The following MDGA2 variants were observed in gnomAD, a reference collection of about 807,000 sequenced individuals.
MDGA2 encodes MAM domain-containing glycosylphosphatidylinositol anchor protein 2.
In MDGA2, 40 loss-of-function variants were observed where a neutral mutation model predicts 117.8. That is an observed-to-expected ratio of 0.34 (90% confidence interval 0.26 to 0.44). MDGA2 has a LOEUF of 0.44. MDGA2 is among the 20% of genes least tolerant of loss of function. MDGA2 has a pLI of 1.00. For missense variants in MDGA2, 1,123 were observed against 1,250.6 expected (o/e 0.90, Z 1.54); for synonymous variants, 452 against 439.0 (o/e 1.03, Z -0.37).
chr14:47,632,211 A>C (rs1417775098), intron 1 of MDGA2, among the ~76,000 whole-genome samples: 1 of 152,144 alleles, frequency 6.6e-6, no homozygotes, highest in Non-Finnish European at 1.5e-5. Flanking sequence ...CTCCTGCACA[A>C]AATTTTATCA....
intron 1 of MDGA2, among the ~76,000 whole-genome samples, chr14:47,400,479 G>C (rs1892110854): frequency 6.6e-6 from 1 of 151,870 alleles, no homozygotes; most frequent in Non-Finnish European, 1.5e-5. Context: ...TTTGTTTAGT[G>C]AATATTAAAA....
intron 1 of MDGA2, among the ~76,000 whole-genome samples, chr14:47,363,569 T>C (rs1891171484): frequency 6.6e-6 from 1 of 152,162 alleles, no homozygotes; most frequent in Non-Finnish European, 1.5e-5. Context: ...GTATCAAATT[T>C]ATATACACAC....
intron 3 of MDGA2, among the ~76,000 whole-genome samples, chr14:47,179,382 T>C (rs762903223): frequency 6.6e-6 from 1 of 152,104 alleles, no homozygotes; most frequent in Non-Finnish European, 1.5e-5. Flanking sequence ...TAGCTTAATA[T>C]TTAAGGTCAA....
At chr14:47,089,023 G>A (rs1891012059) in intron 6 of MDGA2, among the ~76,000 whole-genome samples, 2 of 152,228 alleles carry the variant, frequency 1.3e-5, no homozygotes, top group South Asian at 4.2e-4. Context: ...AATTAAAAGA[G>A]GCTGTATATT....
intron 2 of MDGA2, among the ~76,000 whole-genome samples, chr14:47,256,273 GATTACATC>G (rs1029206777): frequency 2.0e-5 from 3 of 151,846 alleles, no homozygotes; most frequent in Non-Finnish European, 4.4e-5. Context: ...AAGGGGCTAT[GATTACATC>G]ATAGGAGTAT....
intron 6 of MDGA2, among the ~76,000 whole-genome samples, chr14:47,096,091 G>A (rs1007950198): frequency 1.3e-5 from 2 of 151,936 alleles, no homozygotes; most frequent in Non-Finnish European, 2.9e-5. Flanking sequence ...CAGCATACTA[G>A]CTGGTAATGA....
At chr14:47,081,871 T>C (rs1890721153) in intron 6 of MDGA2, among the ~76,000 whole-genome samples, 1 of 152,146 alleles carries the variant, frequency 6.6e-6, no homozygotes. Context: ...ATCATTACAT[T>C]GTAAAATTAT....
At chr14:47,284,166 C>G (rs1442455801) in intron 2 of MDGA2, among the ~76,000 whole-genome samples, 3 of 152,108 alleles carry the variant, frequency 2.0e-5, no homozygotes, top group African/African-American at 7.2e-5. Flanking sequence ...GAAGAAGCAC[C>G]CATCCCAAAT....
At chr14:47,001,336 T>C (rs1426776256) in intron 8 of MDGA2, among the ~76,000 whole-genome samples, 1 of 151,942 alleles carries the variant, frequency 6.6e-6, no homozygotes, top group East Asian at 1.9e-4. Context: ...AGAAATTGAG[T>C]TCTGTAAAAT....
At chr14:47,128,575 G>A (rs898011123) in intron 5 of MDGA2, among the ~76,000 whole-genome samples, 1 of 151,672 alleles carries the variant, frequency 6.6e-6, no homozygotes, top group Non-Finnish European at 1.5e-5. Flanking sequence ...ATGTTAACCT[G>A]TTTATTCTTG....
chr14:47,584,493 G>A (rs141820204), intron 1 of MDGA2, among the ~76,000 whole-genome samples: 140 of 151,826 alleles, frequency 9.2e-4, no homozygotes, highest in Admixed American at 5.2e-3. Flanking sequence ...CTGTTCTGTC[G>A]TTGTAGTACA....
chr14:47,274,175 G>C (rs1888236646), intron 2 of MDGA2, among the ~76,000 whole-genome samples: 1 of 151,832 alleles, frequency 6.6e-6, no homozygotes, highest in Non-Finnish European at 1.5e-5. Context: ...GAACATTTTG[G>C]TTCCCTCTAA....
chr14:47,121,281 A>C (rs1881636350), intron 5 of MDGA2, among the ~76,000 whole-genome samples: 1 of 152,144 alleles, frequency 6.6e-6, no homozygotes, highest in Non-Finnish European at 1.5e-5. Context: ...GAACATGTTT[A>C]GGTTTCTTCA....
chr14:47,134,777 C>CTATATATATATA (rs146851138), intron 4 of MDGA2, among the ~76,000 whole-genome samples: 131 of 145,960 alleles, frequency 9.0e-4, no homozygotes, highest in Middle Eastern at 3.5e-3. Context: ...CACACACACA[C>CTATATATATATA]TATATATATA....
chr14:47,100,360 A>G (rs1188334615), intron 5 of MDGA2, among the ~76,000 whole-genome samples: 1 of 152,066 alleles, frequency 6.6e-6, no homozygotes, highest in East Asian at 1.9e-4. Flanking sequence ...ATATGGGTAT[A>G]TAAGACATGA....
At chr14:47,491,802 GA>G (rs35423638) in intron 1 of MDGA2, among the ~76,000 whole-genome samples, 117,889 of 150,724 alleles carry the variant, frequency 0.78, 46,270 homozygotes, top group East Asian at 1. Flanking sequence ...AAATCTGATT[GA>G]AAAAAAAAAG....
chr14:47,124,860 C>T (rs943922329), intron 5 of MDGA2, among the ~76,000 whole-genome samples: 1 of 152,060 alleles, frequency 6.6e-6, no homozygotes, highest in African/African-American at 2.4e-5. Flanking sequence ...TAGCCTTCAC[C>T]AGAAACCAAC....
intron 8 of MDGA2, among the ~76,000 whole-genome samples, chr14:47,031,229 T>C (rs111649387): frequency 0.19 from 28,820 of 148,580 alleles, 2,844 homozygotes; most frequent in Admixed American, 0.28. Flanking sequence ...TATATATATA[T>C]ACACACACAC....
intron 1 of MDGA2, among the ~76,000 whole-genome samples, chr14:47,431,749 C>T (rs1160865861): frequency 6.6e-6 from 1 of 152,002 alleles, no homozygotes; most frequent in Admixed American, 6.6e-5. Flanking sequence ...TAGATGAAGA[C>T]AGTCTAAAAT....
Sources: allele counts gnomAD v4.1 joint callset (sites outside exome capture counted in the v4.1 genomes callset), GRCh38; gene constraint gnomAD v4.1.1; transcripts MANE v1.5; gene names NCBI Gene and HGNC (gene_info 2026-07-23, HGNC 2026-07-21).